The following CLDN10 variants were observed in gnomAD, a reference collection of about 807,000 sequenced individuals.
The protein encoded by CLDN10 is claudin 10.
A neutral mutation model predicts 22.9 loss-of-function variants in CLDN10; 15 were observed. The ratio of observed to expected loss-of-function variants is 0.65; its 90% CI spans 0.44 to 1.01. The LOEUF (loss-of-function observed/expected upper bound fraction) is 1.01. Ranked by LOEUF, CLDN10 falls within the 50% of genes least tolerant of loss-of-function variation. CLDN10 has a pLI of 0.00. For missense variants in CLDN10, 247 were observed against 287.8 expected (o/e 0.86, Z 1.03); for synonymous variants, 114 against 111.4 (o/e 1.02, Z -0.15).
intron 1 of CLDN10, among the ~76,000 whole-genome samples, chr13:95,454,309 T>G (rs1198255862): frequency 6.6e-6 from 1 of 152,096 alleles, no homozygotes; most frequent in Non-Finnish European, 1.5e-5. Flanking sequence ...GGTGTAGTAG[T>G]GCATGCCTGT....
At chr13:95,451,226 C>G (rs1006945749) in intron 1 of CLDN10, among the ~76,000 whole-genome samples, 2 of 152,234 alleles carry the variant, frequency 1.3e-5, no homozygotes, top group African/African-American at 4.8e-5. Context: ...TTCAGTCCTC[C>G]TGCTTCAATC....
At chr13:95,544,943 G>GT (rs992998243) in intron 1 of CLDN10, among the ~76,000 whole-genome samples, 9 of 151,368 alleles carry the variant, frequency 5.9e-5, no homozygotes, top group South Asian at 2.1e-4. Flanking sequence ...CACCCAGCTA[G>GT]TTTTTTGTAT....
intron 3 of CLDN10, among the ~76,000 whole-genome samples, chr13:95,571,807 A>G (rs2043865649): frequency 6.6e-6 from 1 of 152,238 alleles, no homozygotes; most frequent in Admixed American, 6.5e-5. Context: ...TTGATAATAT[A>G]TGAGTGTACT....
chr13:95,434,381 T>C (rs2042242616), intron 1 of CLDN10, among the ~76,000 whole-genome samples: 2 of 151,876 alleles, frequency 1.3e-5, no homozygotes, highest in Admixed American at 6.6e-5. Context: ...AGCACCCCTA[T>C]GTAGGAAATG....
intron 1 of CLDN10, among the ~76,000 whole-genome samples, chr13:95,495,432 T>C (rs1024225866): frequency 1.6e-4 from 25 of 151,890 alleles, no homozygotes; most frequent in African/African-American, 6.0e-4. Context: ...TGAGTCCATG[T>C]CTTGTAATTT....
At chr13:95,434,465 A>G (rs2042244403) in intron 1 of CLDN10, among the ~76,000 whole-genome samples, 1 of 125,282 alleles carries the variant, frequency 8.0e-6, no homozygotes, top group African/African-American at 3.2e-5. Flanking sequence ...CTCTATATAT[A>G]TATACACCCA....
At chr13:95,483,450 C>A (rs766427350) in intron 1 of CLDN10, among the ~76,000 whole-genome samples, 17 of 152,118 alleles carry the variant, frequency 1.1e-4, no homozygotes, top group Non-Finnish European at 2.1e-4. Flanking sequence ...CTCAAGCAAT[C>A]CTCCTGCTTT....
At chr13:95,450,666 G>A (rs188481912) in intron 1 of CLDN10, among the ~76,000 whole-genome samples, 33 of 152,232 alleles carry the variant, frequency 2.2e-4, no homozygotes, top group African/African-American at 7.7e-4. Context: ...CAGACTGCAC[G>A]CCCAGCCAAT....
Position 95,571,089 on chromosome 13 carries a change from A to G in CLDN10, c.465-6142A>G, listed in dbSNP as rs144225971. On this transcript the variant is annotated intron_variant, in intron 3 of 4. Transcript: ENST00000299339. Reference sequence around the variant, plus strand: ...CTTCCCTAATTAGTTAATGAGCTAAATAAAATCCTTGAAACATGTTCATTT... The same window carrying G: ...CTTCCCTAATTAGTTAATGAGCTAAGTAAAATCCTTGAAACATGTTCATTT... 5.6e-3 allele frequency among the ~76,000 whole-genome samples: 850 copies of G among 152,092 alleles called. 35 individuals carry two copies. The highest frequency in any genetic ancestry group is 0.051 in the Admixed American group (785 of 15,256).
At chr13:95,515,134 G>A (rs1341891935) in intron 1 of CLDN10, among the ~76,000 whole-genome samples, 1 of 152,140 alleles carries the variant, frequency 6.6e-6, no homozygotes, top group African/African-American at 2.4e-5. Flanking sequence ...GCCTCCTGAG[G>A]AGCTGGGACT....
intron 3 of CLDN10, among the ~76,000 whole-genome samples, chr13:95,567,049 T>C (rs1163047551): frequency 6.6e-6 from 1 of 152,224 alleles, no homozygotes; most frequent in East Asian, 1.9e-4. Context: ...TGAAGTCAGG[T>C]AGCGTGATGC....
intron 1 of CLDN10, among the ~76,000 whole-genome samples, chr13:95,544,406 T>C (rs1470627450): frequency 6.6e-6 from 1 of 152,140 alleles, no homozygotes; most frequent in African/African-American, 2.4e-5. Context: ...GCAGCTGACA[T>C]AGGGCATGTT....
At chr13:95,439,681 G>A (rs1466982226) in intron 1 of CLDN10, among the ~76,000 whole-genome samples, 1 of 151,940 alleles carries the variant, frequency 6.6e-6, no homozygotes, top group Non-Finnish European at 1.5e-5. Flanking sequence ...TGAGGGCTCT[G>A]CCTTCCTGAC....
chr13:95,440,040 A>G (rs2042310221), intron 1 of CLDN10, among the ~76,000 whole-genome samples: 2 of 152,014 alleles, frequency 1.3e-5, no homozygotes, highest in Non-Finnish European at 2.9e-5. Flanking sequence ...CAGCCTCCCA[A>G]GTAGCTGAGA....
At chr13:95,568,490 T>A (rs1470918237) in intron 3 of CLDN10, among the ~76,000 whole-genome samples, 1 of 152,148 alleles carries the variant, frequency 6.6e-6, no homozygotes, top group East Asian at 1.9e-4. Flanking sequence ...ATTCAGCTCT[T>A]ACCCCCATTG....
intron 1 of CLDN10, among the ~76,000 whole-genome samples, chr13:95,520,989 A>T (rs1405509457): frequency 2.0e-5 from 3 of 151,890 alleles, no homozygotes; most frequent in African/African-American, 4.8e-5. Flanking sequence ...AAATTGTTGG[A>T]TGCATATACA....
intron 1 of CLDN10, among the ~76,000 whole-genome samples, chr13:95,448,803 G>A (rs1566648692): frequency 6.7e-6 from 1 of 150,220 alleles, no homozygotes; most frequent in East Asian, 1.9e-4. Context: ...TCAGTGGCAC[G>A]ATCTCGGCTC....
intron 1 of CLDN10, among the ~76,000 whole-genome samples, chr13:95,439,351 A>ATT (rs371861667): frequency 1.4e-5 from 2 of 148,134 alleles, no homozygotes; most frequent in South Asian, 2.1e-4. Flanking sequence ...TGTTATTATT[A>ATT]TTTTTTTTTT....
chr13:95,451,687 G>A (rs1566649663), intron 1 of CLDN10, among the ~76,000 whole-genome samples: 2 of 152,204 alleles, frequency 1.3e-5, no homozygotes, highest in Non-Finnish European at 2.9e-5. Flanking sequence ...TAAGCCTTAT[G>A]AAGACAGGGA....
Sources: allele counts gnomAD v4.1 joint callset (sites outside exome capture counted in the v4.1 genomes callset), GRCh38; gene constraint gnomAD v4.1.1; transcripts MANE v1.5; gene names NCBI Gene and HGNC (gene_info 2026-07-23, HGNC 2026-07-21).